Variants in GATA4 observed in about 807,000 individuals in gnomAD.
GATA4 encodes GATA binding protein 4, also known as transcription factor GATA-4.
Under a neutral mutation model 37.9 loss-of-function variants are expected in GATA4, and 7 were observed. That is an observed-to-expected ratio of 0.18 (90% CI 0.11 to 0.35). GATA4 has a LOEUF of 0.35. Ranked by LOEUF, GATA4 falls within the 10% of genes least tolerant of loss-of-function variation. GATA4 has a pLI of 1.00. For synonymous variants in GATA4, 372 were observed against 292.6 expected, an observed-to-expected ratio of 1.27 and a Z score of -2.77; for missense variants, 647 against 653.0, an observed-to-expected ratio of 0.99 and a Z score of 0.10.
At chr8:11,692,802 G>A in intron 1 of GATA4, 1 of 981,682 alleles carries the variant, frequency 1.0e-6, no homozygotes, top group Non-Finnish European at 1.2e-6. Flanking sequence ...AAGCGGGGCC[G>A]GCGCAGCGGG....
At chr8:11,750,714 C>T (rs955050818) in intron 4 of GATA4, among the ~76,000 whole-genome samples, 1 of 143,968 alleles carries the variant, frequency 6.9e-6, no homozygotes, top group Non-Finnish European at 1.5e-5. Flanking sequence ...AGAAGGATTG[C>T]ATGAGCTCAG....
At chr8:11,688,194 T>C (rs1403952594), upstream of GATA4, among the ~76,000 whole-genome samples, 1 of 152,228 alleles carries the variant, frequency 6.6e-6, no homozygotes, top group East Asian at 1.9e-4. Context: ...ACACGTGAGA[T>C]CAAAACAGTG....
At chr8:11,736,809 T>C (rs1801482483) in intron 2 of GATA4, among the ~76,000 whole-genome samples, 1 of 152,228 alleles carries the variant, frequency 6.6e-6, no homozygotes, top group African/African-American at 2.4e-5. Flanking sequence ...TTATCTAGAT[T>C]CTTTTCACAC....
At position 11,715,880 on chromosome 8, in the gene GATA4, C is replaced by T. The variant is rs139221089; in HGVS notation, c.616+6952C>T. On this transcript the variant is annotated intron_variant, in intron 2 of 6. Coordinates refer to ENST00000532059, the MANE Select transcript of GATA4 (RefSeq NM_001308093.3). ...AAAATACCACTCCCATTCCTCTCCACACCAGCCCCTGGTAACCCCCATTCT... is the reference window on the plus strand; with the variant it reads ...AAAATACCACTCCCATTCCTCTCCATACCAGCCCCTGGTAACCCCCATTCT... 5.1e-3 allele frequency among the ~76,000 whole-genome samples: 772 copies of T among 152,334 alleles called. 3 individuals are homozygous for T. Among genetic ancestry groups the T allele is most frequent in the Admixed American group, 9.0e-3 (137 of 15,302 alleles).
At chr8:11,682,332 C>T (rs1798998979) in intron 1 of GATA4, among the ~76,000 whole-genome samples, 1 of 152,196 alleles carries the variant, frequency 6.6e-6, no homozygotes, top group Admixed American at 6.5e-5. Context: ...GCCTTGTTCA[C>T]TAGCTAAGAT....
intron 2 of GATA4, among the ~76,000 whole-genome samples, chr8:11,721,506 C>A (rs1434003799): frequency 6.6e-6 from 1 of 151,866 alleles, no homozygotes; most frequent in South Asian, 2.1e-4. Context: ...GTGATGAGCG[C>A]CTCCCGCTGA....
chr8:11,756,766 G>A, intron 5 of GATA4, 169 bp from the exon 6 acceptor site: 2 of 855,260 alleles, frequency 2.3e-6, no homozygotes, highest in Non-Finnish European at 3.9e-6. Context: ...GGGGGAAGAA[G>A]CCATCCCTGT....
rs534638163 is a variant in GATA4 at position 11,757,948 on chromosome 8, C to T, written c.1150-345C>T. 3.9e-5 allele frequency among the ~76,000 whole-genome samples: 6 copies of T among 152,300 alleles called. No homozygotes were observed. In the East Asian group the frequency reaches 5.8e-4, roughly 15 times the overall value. ...GGGGCACCAGGAGCCCCTTCTGGGC[C>T]GGGTGGATGGCTTCTTTGTTGGAAA... On this transcript the variant is annotated intron_variant, in intron 6 of 6. Transcript: ENST00000532059.
In GATA4 at chr8:11,759,690, C is replaced by T. The variant is rs1262239480; in HGVS notation, c.*1215C>T. 4.6e-5 allele frequency: 7 copies of T among 152,322 alleles called. No individual in the cohort carries two copies. Among genetic ancestry groups the T allele is most frequent in the Non-Finnish European group, 7.3e-5 (5 of 68,112 alleles). The allele number at this position is 152,322 out of a possible 1,614,324, so 9.4% of individuals were successfully genotyped here. On this transcript the variant is annotated 3_prime_UTR_variant, in exon 7 of 7. Transcript: ENST00000532059. Reference sequence around the variant, plus strand: ...GCTGCTCCGGGATCTGCCGCGTTCTCCTCTGCACATTGCTGTTTCTGCCCC... The same window carrying T: ...GCTGCTCCGGGATCTGCCGCGTTCTTCTCTGCACATTGCTGTTTCTGCCCC...
upstream of GATA4, among the ~76,000 whole-genome samples, chr8:11,700,262 GAGA>G (rs1799629018): frequency 6.6e-6 from 1 of 152,246 alleles, no homozygotes; most frequent in African/African-American, 2.4e-5. Context: ...GTCTACGAGG[GAGA>G]AGATGTATTC....
chr8:11,737,087 A>G, intron 2 of GATA4, among the ~76,000 whole-genome samples: 1 of 151,986 alleles, frequency 6.6e-6, no homozygotes, highest in East Asian at 1.9e-4. Flanking sequence ...TAGCAGGAGA[A>G]GAAGATGTAA....
intron 2 of GATA4, among the ~76,000 whole-genome samples, chr8:11,729,068 A>G (rs574685372): frequency 8.4e-4 from 128 of 152,128 alleles, no homozygotes; most frequent in African/African-American, 3.0e-3. Flanking sequence ...CCCCTTCTCT[A>G]CTAAAAATAG....
exon 1 of GATA4, chr8:11,677,000 C>T (rs1798805611): frequency 6.6e-6 from 1 of 152,274 alleles, no homozygotes; most frequent in Admixed American, 6.5e-5. Context: ...GCCTGGAATC[C>T]CTGTGCAGAG....
chr8:11,689,980 G>A (rs774318885), upstream of GATA4, among the ~76,000 whole-genome samples: 3 of 152,240 alleles, frequency 2.0e-5, no homozygotes, highest in South Asian at 6.2e-4. Flanking sequence ...TAGGTGTGTG[G>A]CTCTATAGCC....
At chr8:11,681,992 C>G (rs1285965112) in intron 1 of GATA4, among the ~76,000 whole-genome samples, 1 of 152,128 alleles carries the variant, frequency 6.6e-6, no homozygotes, top group East Asian at 1.9e-4. Context: ...AGAAGTTACT[C>G]GATAAAGATG....
At chr8:11,754,349 T>C (rs1342770629) in intron 4 of GATA4, among the ~76,000 whole-genome samples, 1 of 152,210 alleles carries the variant, frequency 6.6e-6, no homozygotes, top group East Asian at 1.9e-4. Flanking sequence ...TCTGAGTAGC[T>C]GGGACTACAG....
At chr8:11,693,563 A>AGAGAGT (rs1799406436) in intron 1 of GATA4, among the ~76,000 whole-genome samples, 1 of 54,614 alleles carries the variant, frequency 1.8e-5, no homozygotes, top group Middle Eastern at 8.2e-3. Flanking sequence ...ACACACACAC[A>AGAGAGT]GAGAGAGAGA....
chr8:11,752,230 G>A (rs1802337463), intron 4 of GATA4, among the ~76,000 whole-genome samples: 1 of 152,106 alleles, frequency 6.6e-6, no homozygotes, highest in Non-Finnish European at 1.5e-5. Flanking sequence ...CATATGGATG[G>A]GTGGACAGAC....
At chr8:11,680,631 G>T (rs541724442) in intron 1 of GATA4, 20 of 985,196 alleles carry the variant, frequency 2.0e-5, no homozygotes, top group Non-Finnish European at 2.4e-5. Context: ...CTCTTGCCAC[G>T]CCTGGCGCTG....
Sources: allele counts gnomAD v4.1 joint callset (sites outside exome capture counted in the v4.1 genomes callset), GRCh38; gene constraint gnomAD v4.1.1; transcripts MANE v1.5; gene names NCBI Gene and HGNC (gene_info 2026-07-23, HGNC 2026-07-21).